The following CHRM3 variants were observed in gnomAD, a reference collection of about 807,000 sequenced individuals.
CHRM3 encodes the protein muscarinic acetylcholine receptor M3.
CHRM3 carries 11 observed loss-of-function variants against 41.8 expected under a neutral mutation model. The ratio of observed to expected loss-of-function variants is 0.26; its 90% CI spans 0.17 to 0.44. CHRM3 has a LOEUF of 0.44. CHRM3 is among the 20% of genes least tolerant of loss of function. The pLI is 1.00. For missense variants in CHRM3, 571 were observed against 745.4 expected, an observed-to-expected ratio of 0.77 and a Z score of 2.72; for synonymous variants, 297 against 301.4, an observed-to-expected ratio of 0.99 and a Z score of 0.15.
At chr1:239,418,445 G>T (rs984264773) in intron 1 of CHRM3, among the ~76,000 whole-genome samples, 1 of 152,052 alleles carries the variant, frequency 6.6e-6, no homozygotes, top group African/African-American at 2.4e-5. Flanking sequence ...TACATTAAGG[G>T]ACCAACATCT....
At chr1:239,817,877 G>A (rs1280517503) in intron 5 of CHRM3, among the ~76,000 whole-genome samples, 2 of 152,084 alleles carry the variant, frequency 1.3e-5, no homozygotes, top group African/African-American at 2.4e-5. Flanking sequence ...CTAGCCACGC[G>A]ACTTTAGAGA....
At chr1:239,901,021 C>A (rs574881035) in intron 6 of CHRM3, among the ~76,000 whole-genome samples, 1 of 152,112 alleles carries the variant, frequency 6.6e-6, no homozygotes, top group Non-Finnish European at 1.5e-5. Context: ...GCTGAGTTTA[C>A]GTCTTAGGCA....
intron 6 of CHRM3, among the ~76,000 whole-genome samples, chr1:239,897,155 T>C (rs544282259): frequency 6.6e-6 from 1 of 152,336 alleles, no homozygotes; most frequent in East Asian, 1.9e-4. Flanking sequence ...AGGCGTTTAA[T>C]GCGCGCCTCC....
At chr1:239,576,263 C>T (rs906497901) in intron 3 of CHRM3, among the ~76,000 whole-genome samples, 13 of 127,708 alleles carry the variant, frequency 1.0e-4, no homozygotes, top group African/African-American at 3.2e-4. Flanking sequence ...AAACCCTCTA[C>T]TCCCTACCCA....
At chr1:239,647,706 G>A (rs1000798947) in intron 4 of CHRM3, among the ~76,000 whole-genome samples, 4 of 152,080 alleles carry the variant, frequency 2.6e-5, no homozygotes, top group Non-Finnish European at 5.9e-5. Context: ...AACCAGAATA[G>A]CAAAACTGAG....
intron 5 of CHRM3, among the ~76,000 whole-genome samples, chr1:239,765,951 G>A (rs866094230): frequency 2.0e-5 from 3 of 151,772 alleles, no homozygotes; most frequent in Middle Eastern, 3.4e-3. Flanking sequence ...CGAGTAGCTG[G>A]GATTACAGGT....
intron 1 of CHRM3, among the ~76,000 whole-genome samples, chr1:239,427,305 C>T (rs767790122): frequency 1.7e-4 from 26 of 152,094 alleles, no homozygotes; most frequent in Non-Finnish European, 3.4e-4. Context: ...TGATGAAACA[C>T]ACCAGGACTA....
At chr1:239,863,732 A>C (rs528962950) in intron 6 of CHRM3, among the ~76,000 whole-genome samples, 2 of 150,584 alleles carry the variant, frequency 1.3e-5, no homozygotes, top group Non-Finnish European at 2.9e-5. Flanking sequence ...AGAAAGAAAC[A>C]AAGAAGAAAG....
chr1:239,801,268 A>G (rs1408100530), intron 5 of CHRM3, among the ~76,000 whole-genome samples: 1 of 151,996 alleles, frequency 6.6e-6, no homozygotes, highest in African/African-American at 2.4e-5. Context: ...CCAAATACAC[A>G]CCTCTCTGAC....
intron 3 of CHRM3, among the ~76,000 whole-genome samples, chr1:239,630,593 G>A (rs1181388244): frequency 6.6e-6 from 1 of 152,202 alleles, no homozygotes; most frequent in East Asian, 1.9e-4. Flanking sequence ...CTACATCCTT[G>A]CACTGAAGTG....
intron 5 of CHRM3, among the ~76,000 whole-genome samples, chr1:239,679,126 G>A (rs2149090960): frequency 6.6e-6 from 1 of 152,224 alleles, no homozygotes; most frequent in Admixed American, 6.5e-5. Context: ...TATATAGTAT[G>A]CAATGACTAA....
chr1:239,598,003 ATTCAC>A (rs1423571506), intron 3 of CHRM3, among the ~76,000 whole-genome samples: 1 of 152,042 alleles, frequency 6.6e-6, no homozygotes, highest in Middle Eastern at 3.2e-3. Context: ...TGACTTAGAC[ATTCAC>A]TTCTGCATCA....
chr1:239,596,095 T>TTCTC (rs1664742987), intron 3 of CHRM3, among the ~76,000 whole-genome samples: 2 of 152,296 alleles, frequency 1.3e-5, no homozygotes, highest in Admixed American at 1.3e-4. Flanking sequence ...TTTGTTCCAT[T>TTCTC]TCTCTTTTAT....
intron 5 of CHRM3, among the ~76,000 whole-genome samples, chr1:239,767,540 C>T (rs1370177257): frequency 5.3e-5 from 8 of 152,140 alleles, no homozygotes. Flanking sequence ...ATTATACTAA[C>T]TTCCTAGAAT....
intron 4 of CHRM3, among the ~76,000 whole-genome samples, chr1:239,650,093 G>C (rs1672102308): frequency 6.6e-6 from 1 of 152,110 alleles, no homozygotes; most frequent in South Asian, 2.1e-4. Context: ...GGTGAACTGG[G>C]AGGTGTCCTG....
chr1:239,888,040 G>A (rs10495447), intron 6 of CHRM3, among the ~76,000 whole-genome samples: 38,260 of 151,986 alleles, frequency 0.25, 5,275 homozygotes, highest in South Asian at 0.35. Flanking sequence ...TGGTCTTGAT[G>A]GTTATTGTGG....
intron 3 of CHRM3, among the ~76,000 whole-genome samples, chr1:239,610,588 A>G (rs72758710): frequency 0.14 from 21,365 of 152,186 alleles, 1,565 homozygotes; most frequent in East Asian, 0.22. Flanking sequence ...TGGTCCTCAC[A>G]TCAGCTTGTG....
At chr1:239,552,538 T>A (rs61836572) in intron 3 of CHRM3, among the ~76,000 whole-genome samples, 9 of 146,768 alleles carry the variant, frequency 6.1e-5, no homozygotes, top group Non-Finnish European at 1.3e-4. Flanking sequence ...ATAAGCTCAC[T>A]GCAGCCTCAA....
chr1:239,588,608 G>A (rs1205607369), intron 3 of CHRM3, among the ~76,000 whole-genome samples: 1 of 152,158 alleles, frequency 6.6e-6, no homozygotes, highest in Non-Finnish European at 1.5e-5. Flanking sequence ...AGATCAGTGA[G>A]GCCCTTCAAA....
Sources: allele counts gnomAD v4.1 joint callset (sites outside exome capture counted in the v4.1 genomes callset), GRCh38; gene constraint gnomAD v4.1.1; transcripts MANE v1.5; gene names NCBI Gene and HGNC (gene_info 2026-07-23, HGNC 2026-07-21).